Variants in THSD7B observed in about 807,000 individuals in gnomAD.
THSD7B encodes the protein thrombospondin type 1 domain containing 7B, also known as thrombospondin type-1 domain-containing protein 7B.
Under a neutral mutation model 213.6 loss-of-function variants are expected in THSD7B, and 138 were observed. The observed-to-expected ratio is 0.65, with a 90% CI of 0.56 to 0.74. The LOEUF is 0.74. Ranked by LOEUF, THSD7B falls within the 30% of genes least tolerant of loss-of-function variation. The pLI is 0.00. For synonymous variants in THSD7B, 742 were observed against 687.0 expected, an observed-to-expected ratio of 1.08 and a Z score of -1.25; for missense variants, 1,931 against 1,991.5, an observed-to-expected ratio of 0.97 and a Z score of 0.58.
chr2:137,333,083 G>C (rs1684551383), intron 12 of THSD7B, among the ~76,000 whole-genome samples: 1 of 152,154 alleles, frequency 6.6e-6, no homozygotes, highest in South Asian at 2.1e-4. Context: ...AAGTTGCCCA[G>C]AGAAATTTTG....
intron 14 of THSD7B, among the ~76,000 whole-genome samples, chr2:137,431,098 C>G (rs1311400777): frequency 1.3e-5 from 2 of 152,142 alleles, no homozygotes; most frequent in African/African-American, 2.4e-5. Flanking sequence ...ATTCTGAGAA[C>G]ATGTGCCCAA....
chr2:136,845,250 C>A lies in THSD7B; in HGVS notation c.-35-36894C>A, dbSNP rs182516552. 3.3e-5 allele frequency among the ~76,000 whole-genome samples: 5 copies of A among 152,138 alleles called. No individual in the cohort carries two copies. The East Asian group carries it at 9.7e-4, about 29-fold the overall frequency. ...GGATTGGAAGATATGAATAGCGTAG[C>A]GGTAAAGGGAGGCTTCTGGAAGACA... On this transcript the variant is annotated intron_variant, in intron 1 of 27. Coordinates refer to ENST00000409968, the MANE Select transcript of THSD7B (RefSeq NM_001316349.2).
intron 15 of THSD7B, among the ~76,000 whole-genome samples, chr2:137,464,915 G>A (rs991485273): frequency 1.3e-5 from 2 of 151,980 alleles, no homozygotes; most frequent in Non-Finnish European, 2.9e-5. Flanking sequence ...TAAAATAGGT[G>A]TATAATCATC....
chr2:137,309,484 T>TTA (rs938665181), intron 12 of THSD7B, among the ~76,000 whole-genome samples: 4 of 149,984 alleles, frequency 2.7e-5, no homozygotes, highest in Non-Finnish European at 5.9e-5. Context: ...GTTCAGAGTT[T>TTA]TATATATATA....
intron 15 of THSD7B, among the ~76,000 whole-genome samples, chr2:137,526,480 G>T (rs1013166302): frequency 6.6e-6 from 1 of 152,030 alleles, no homozygotes; most frequent in Non-Finnish European, 1.5e-5. Context: ...GGAGTGCAGT[G>T]GTGCAATCTC....
chr2:137,650,763 A>G (rs1041123868), intron 21 of THSD7B, among the ~76,000 whole-genome samples: 1 of 152,114 alleles, frequency 6.6e-6, no homozygotes, highest in African/African-American at 2.4e-5. Flanking sequence ...TTCCTTCTGT[A>G]TCTAATTTGT....
intron 6 of THSD7B, 77 bp downstream of exon 6, chr2:137,160,445 A>C: frequency 6.5e-7 from 1 of 1,533,914 alleles, no homozygotes; most frequent in Non-Finnish European, 8.8e-7. Context: ...TCACTGATTA[A>C]GCCTGCTTAA....
chr2:137,405,065 C>G (rs532239429), intron 12 of THSD7B, among the ~76,000 whole-genome samples: 1 of 151,406 alleles, frequency 6.6e-6, no homozygotes, highest in Admixed American at 6.6e-5. Flanking sequence ...TATGCTTGTG[C>G]TTGAAAAAAA....
chr2:137,630,382 CTG>C (rs368934284), intron 20 of THSD7B, among the ~76,000 whole-genome samples: 43 of 152,310 alleles, frequency 2.8e-4, no homozygotes, highest in African/African-American at 9.4e-4. Context: ...ACCCTCAAGA[CTG>C]TGCCAAGGCA....
chr2:136,958,558 G>A (rs1199415026), intron 2 of THSD7B, among the ~76,000 whole-genome samples: 2 of 152,206 alleles, frequency 1.3e-5, no homozygotes, highest in African/African-American at 4.8e-5. Flanking sequence ...ATTGACCAAA[G>A]GGTAGAGTTC....
intron 12 of THSD7B, among the ~76,000 whole-genome samples, chr2:137,377,690 G>A (rs1378897226): frequency 3.3e-5 from 5 of 151,504 alleles, no homozygotes; most frequent in African/African-American, 4.9e-5. Flanking sequence ...ATAGTGGTGC[G>A]ATCCTGATTC....
chr2:137,256,827 G>A (rs184124595), intron 10 of THSD7B, among the ~76,000 whole-genome samples: 14 of 152,332 alleles, frequency 9.2e-5, no homozygotes, highest in Middle Eastern at 3.4e-3. Flanking sequence ...GGGAATTGAA[G>A]TTATCTTAGT....
intron 3 of THSD7B, among the ~76,000 whole-genome samples, chr2:137,075,204 C>T (rs900799231): frequency 1.3e-5 from 2 of 152,196 alleles, no homozygotes; most frequent in African/African-American, 4.8e-5. Context: ...TCCATTCTCC[C>T]CATCACTTTC....
chr2:137,145,158 C>A, intron 5 of THSD7B, among the ~76,000 whole-genome samples: 1 of 151,510 alleles, frequency 6.6e-6, no homozygotes. Context: ...TTCTTTTTTC[C>A]AAAAATATAG....
At chr2:137,512,866 A>G (rs1029564020) in intron 15 of THSD7B, among the ~76,000 whole-genome samples, 8 of 152,164 alleles carry the variant, frequency 5.3e-5, no homozygotes, top group Admixed American at 4.6e-4. Flanking sequence ...ACTTTCCAGA[A>G]GAGTAAACTA....
rs571619022 is a variant in THSD7B at position 137,390,989 on chromosome 2, G to GGT, written c.2501-14607_2501-14606dup. Among the ~76,000 whole-genome samples, 1,194 of 150,682 alleles carry GGT rather than the reference G, an allele frequency of 7.9e-3. 14 individuals are homozygous for GGT. Among genetic ancestry groups the GGT allele is most frequent in the South Asian group, 0.039 (185 of 4,760 alleles). The stretch of plus-strand genomic sequence containing the variant: ...CAGGGATATTTGTAGTGTGGTATGG[G>GGT]GTGTGTGTGTGTGTGTGTTGTTGTT... On this transcript the variant is annotated intron_variant, in intron 12 of 27. Coordinates refer to ENST00000409968, the MANE Select transcript of THSD7B (RefSeq NM_001316349.2).
chr2:137,253,263 C>A (rs1558974325), intron 10 of THSD7B, among the ~76,000 whole-genome samples: 1 of 151,970 alleles, frequency 6.6e-6, no homozygotes, highest in Admixed American at 6.6e-5. Flanking sequence ...AACCAACATA[C>A]CAAAGAAAAC....
intron 2 of THSD7B, among the ~76,000 whole-genome samples, chr2:136,885,794 C>A (rs567465152): frequency 6.6e-6 from 1 of 152,226 alleles, no homozygotes; most frequent in East Asian, 1.9e-4. Flanking sequence ...GGCAAATCCT[C>A]GGTCCTCATA....
intron 12 of THSD7B, among the ~76,000 whole-genome samples, chr2:137,399,457 T>A (rs975882737): frequency 3.2e-4 from 49 of 152,104 alleles, no homozygotes; most frequent in Non-Finnish European, 2.9e-4. Context: ...CCTCCGAAAG[T>A]GCTGGGATTA....
Sources: allele counts gnomAD v4.1 joint callset (sites outside exome capture counted in the v4.1 genomes callset), GRCh38; gene constraint gnomAD v4.1.1; transcripts MANE v1.5; gene names NCBI Gene and HGNC (gene_info 2026-07-23, HGNC 2026-07-21).